ASTN2: variants seen among roughly 807,000 people sequenced by gnomAD.
The protein encoded by ASTN2 is astrotactin-2.
ASTN2 carries 54 observed loss-of-function variants against 139.8 expected under a neutral mutation model. The ratio of observed to expected loss-of-function variants is 0.39; its 90% confidence interval spans 0.31 to 0.48. The LOEUF (loss-of-function observed/expected upper bound fraction) is 0.48, where lower values mean the gene tolerates loss of function less well. ASTN2 is among the 20% of genes least tolerant of loss of function. The probability of loss-of-function intolerance (pLI) is 0.95; values close to 1 mark genes in which losing one functional copy is unlikely to be tolerated. For synonymous variants in ASTN2, 756 were observed against 719.5 expected, an observed-to-expected ratio of 1.05 and a Z score of -0.81; for missense variants, 1,565 against 1,725.1, an observed-to-expected ratio of 0.91 and a Z score of 1.64.
chr9:116,834,861 A>C (rs1831936348), intron 11 of ASTN2, among the ~76,000 whole-genome samples: 2 of 152,182 alleles, frequency 1.3e-5, no homozygotes, highest in African/African-American at 4.8e-5. Flanking sequence ...TGGCCTGGGC[A>C]ACATAGTGAG....
intron 7 of ASTN2, among the ~76,000 whole-genome samples, chr9:116,984,618 G>A (rs111461679): frequency 0.024 from 3,638 of 152,282 alleles, 155 homozygotes; most frequent in African/African-American, 0.084. Context: ...CAAAGTCAAT[G>A]AAGGAGAGAC....
At chr9:116,474,744 C>T (rs186274975) in intron 20 of ASTN2, among the ~76,000 whole-genome samples, 1 of 152,018 alleles carries the variant, frequency 6.6e-6, no homozygotes, top group African/African-American at 2.4e-5. Flanking sequence ...CTATCTGAGC[C>T]CCTCATTGCA....
rs139852740 is a variant in ASTN2 at position 116,737,122 on chromosome 9, A to G, written c.2397-3599T>C. On this transcript the variant is annotated intron_variant, in intron 13 of 22. Coordinates refer to ENST00000313400, the MANE Select transcript of ASTN2 (RefSeq NM_001365068.1). ...AAGACTGGGAAGAAGGGTGGCAGGTAGGCGGAGATGAAGCCCGAATGAACA... is the reference window on the plus strand; with the variant it reads ...AAGACTGGGAAGAAGGGTGGCAGGTGGGCGGAGATGAAGCCCGAATGAACA... Among the ~76,000 whole-genome samples, 944 of 152,354 alleles carry G rather than the reference A, an allele frequency of 6.2e-3. 60 individuals carry two copies. The South Asian group carries it at 0.16, about 26-fold the overall frequency.
rs531334577 is a variant in ASTN2, at chr9:116,918,330, G to A, written c.1890-54597C>T. Among the ~76,000 whole-genome samples the A allele has an allele frequency of 4.6e-5, 7 of 152,282 alleles. No homozygotes were observed. The South Asian group carries it at 1.5e-3, about 32-fold the overall frequency. ...CTTTCTGCAGGTGACTAGCAGTGGA[G>A]GGCACAGGGGGCAGCCTCATAGACA... On this transcript the variant is annotated intron_variant, in intron 10 of 22. Transcript: ENST00000313400.
At position 116,516,357 on chromosome 9, in the gene ASTN2, CTATTAT is replaced by C. The variant is rs1850648888; in HGVS notation, c.3356-28863_3356-28858del. 3.9e-5 allele frequency among the ~76,000 whole-genome samples: 6 copies of C among 152,150 alleles called. No homozygotes were observed. The South Asian group carries it at 1.2e-3, about 31-fold the overall frequency. On this transcript the variant is annotated intron_variant, in intron 19 of 22. Coordinates refer to ENST00000313400, the MANE Select transcript of ASTN2 (RefSeq NM_001365068.1). ...ACATGTTTGAGAGATCAAAAAGATA[CTATTAT>C]TATTAATGCATCATCATCATCATTT... is the stretch of plus-strand genomic sequence containing the variant.
At chr9:116,607,881 A>C (rs1372027279) in intron 19 of ASTN2, among the ~76,000 whole-genome samples, 1 of 152,168 alleles carries the variant, frequency 6.6e-6, no homozygotes, top group Non-Finnish European at 1.5e-5. Context: ...GAATCGCTTG[A>C]ATCTGGGAGA....
intron 5 of ASTN2, among the ~76,000 whole-genome samples, chr9:117,062,808 A>AC (rs1256318353): frequency 6.6e-6 from 1 of 152,232 alleles, no homozygotes; most frequent in Non-Finnish European, 1.5e-5. Context: ...AGTGAAAGGA[A>AC]TACTGTTCAT....
intron 1 of ASTN2, among the ~76,000 whole-genome samples, chr9:117,360,384 G>A (rs1472594278): frequency 6.6e-6 from 1 of 152,104 alleles, no homozygotes; most frequent in Non-Finnish European, 1.5e-5. Context: ...TAACCGAGCT[G>A]GTAGTCAGAG....
At chr9:116,632,179 AGAGAGG>A (rs1856796457) in intron 17 of ASTN2, among the ~76,000 whole-genome samples, 1 of 19,790 alleles carries the variant, frequency 5.1e-5, no homozygotes. Context: ...AGAGAGAGAG[AGAGAGG>A]GAGAGAGAGA....
At chr9:116,633,934 T>C (rs1856931822) in intron 17 of ASTN2, among the ~76,000 whole-genome samples, 1 of 152,168 alleles carries the variant, frequency 6.6e-6, no homozygotes, top group African/African-American at 2.4e-5. Context: ...ATTTCTATCA[T>C]GGCAAGTGGA....
intron 20 of ASTN2, among the ~76,000 whole-genome samples, chr9:116,482,093 G>A (rs1475446595): frequency 3.9e-5 from 6 of 152,184 alleles, no homozygotes; most frequent in African/African-American, 1.4e-4. Context: ...TTGGGAGGCC[G>A]AGGCAGGCGG....
intron 1 of ASTN2, among the ~76,000 whole-genome samples, chr9:117,292,920 T>C (rs916120255): frequency 1.3e-5 from 2 of 152,094 alleles, no homozygotes; most frequent in African/African-American, 4.8e-5. Context: ...CAATGCCCAA[T>C]AGACTCTCCC....
chr9:116,656,746 G>A (rs1858240388), intron 16 of ASTN2, among the ~76,000 whole-genome samples: 2 of 150,402 alleles, frequency 1.3e-5, no homozygotes. Context: ...GGGCAGCCAG[G>A]GCTTTTCGGC....
Position 116,687,830 on chromosome 9 carries a change from G to A in ASTN2, c.2807-36037C>T, listed in dbSNP as rs552179581. Among the ~76,000 whole-genome samples, 8 of 152,116 alleles carry A rather than the reference G, an allele frequency of 5.3e-5. No individual in the cohort carries two copies. The South Asian group carries it at 1.5e-3, about 28-fold the overall frequency. On this transcript the variant is annotated intron_variant, in intron 16 of 22. Transcript: ENST00000313400. ...GGGCGCTAGGCATCTGGCAAGGACAGGGTCTGAGATGATAGGAGCAAGGTC... is the reference window on the plus strand; with the variant it reads ...GGGCGCTAGGCATCTGGCAAGGACAAGGTCTGAGATGATAGGAGCAAGGTC...
intron 19 of ASTN2, among the ~76,000 whole-genome samples, chr9:116,492,661 A>G (rs553010397): frequency 3.4e-4 from 52 of 152,090 alleles, no homozygotes; most frequent in Non-Finnish European, 7.1e-4. Flanking sequence ...CTTCCTCCCC[A>G]ATTTCTGACC....
intron 7 of ASTN2, among the ~76,000 whole-genome samples, chr9:116,982,002 T>C (rs1194633544): frequency 1.3e-5 from 2 of 152,204 alleles, no homozygotes; most frequent in East Asian, 3.9e-4. Context: ...TGAGGTCTTT[T>C]TCTATGTTAT....
At chr9:117,254,576 C>G (rs374068072) in intron 2 of ASTN2, among the ~76,000 whole-genome samples, 1 of 152,292 alleles carries the variant, frequency 6.6e-6, no homozygotes, top group East Asian at 1.9e-4. Flanking sequence ...AGCAATAAAA[C>G]AGGGGCACAG....
intron 4 of ASTN2, among the ~76,000 whole-genome samples, chr9:117,104,902 A>G (rs1829066760): frequency 6.6e-6 from 1 of 152,172 alleles, no homozygotes; most frequent in African/African-American, 2.4e-5. Context: ...GGATCATTCC[A>G]TCACCCAAGA....
chr9:116,779,488 C>T (rs934339342), intron 13 of ASTN2, among the ~76,000 whole-genome samples: 2 of 99,254 alleles, frequency 2.0e-5, no homozygotes, highest in South Asian at 4.4e-4. Flanking sequence ...TTATAAATTA[C>T]CCAGTCTCAG....
Sources: gnomAD v4.1 joint callset for allele counts (sites outside exome capture counted in the v4.1 genomes callset) on GRCh38, gnomAD v4.1.1 for gene constraint, MANE v1.5 for transcripts, NCBI Gene and HGNC (gene_info 2026-07-23, HGNC 2026-07-21) for gene names.